Variants in IREB2 observed in about 807,000 individuals in gnomAD.
The protein encoded by IREB2 is iron responsive element binding protein 2.
IREB2 carries 39 observed loss-of-function variants against 118.8 expected under a neutral mutation model. The ratio of observed to expected loss-of-function variants is 0.33; its 90% CI spans 0.25 to 0.43. The LOEUF (loss-of-function observed/expected upper bound fraction) is 0.43. Ranked by LOEUF, IREB2 falls within the 20% of genes least tolerant of loss-of-function variation. The pLI is 1.00. For missense variants in IREB2, 900 were observed against 1,147.3 expected, an observed-to-expected ratio of 0.78 and a Z score of 3.11; for synonymous variants, 372 against 392.2, an observed-to-expected ratio of 0.95 and a Z score of 0.61.
chr15:78,450,895 G>T (rs2051015342), intron 2 of IREB2, among the ~76,000 whole-genome samples: 1 of 150,506 alleles, frequency 6.6e-6, no homozygotes, highest in Admixed American at 6.6e-5. Flanking sequence ...CAATGTAATG[G>T]TGTCCACCTT....
At chr15:78,458,598 G>T (rs553028336) in intron 2 of IREB2, among the ~76,000 whole-genome samples, 10 of 152,124 alleles carry the variant, frequency 6.6e-5, no homozygotes, top group African/African-American at 2.4e-4. Flanking sequence ...TCTCAGAGGT[G>T]CCTTCACCAC....
At chr15:78,459,477 A>G (rs1436626989) in intron 2 of IREB2, among the ~76,000 whole-genome samples, 1 of 151,988 alleles carries the variant, frequency 6.6e-6, no homozygotes, top group African/African-American at 2.4e-5. Flanking sequence ...AGCCTCCTGA[A>G]TAGCTTGGAT....
rs140203998 is a variant in IREB2, at chr15:78,491,382, G to A, written c.2324+621G>A. Among the ~76,000 whole-genome samples the A allele has an allele frequency of 7.9e-3, 1,196 of 152,238 alleles. 17 individuals carry two copies. The highest frequency in any genetic ancestry group is 0.027 in the African/African-American group (1,129 of 41,550). ...GTTTTGACAATAGAGACAAAGTTTT[G>A]TTAAAAGCAGGATTTGTAGTACTGC... On this transcript the variant is annotated intron_variant, in intron 18 of 21. Coordinates refer to ENST00000258886, the MANE Select transcript of IREB2 (RefSeq NM_004136.4).
At chr15:78,494,615 C>T (rs2051808587) in intron 20 of IREB2, among the ~76,000 whole-genome samples, 1 of 151,996 alleles carries the variant, frequency 6.6e-6, no homozygotes, top group African/African-American at 2.4e-5. Context: ...TCCTTGTCAC[C>T]CAGACTGGAG....
intron 2 of IREB2, among the ~76,000 whole-genome samples, chr15:78,455,415 C>T (rs146496616): frequency 2.6e-4 from 39 of 152,036 alleles, no homozygotes; most frequent in African/African-American, 8.4e-4. Flanking sequence ...AAAGTGGGGA[C>T]GTAGAATTAA....
chr15:78,479,858 C>T (rs563867585), intron 10 of IREB2, among the ~76,000 whole-genome samples: 1 of 150,326 alleles, frequency 6.7e-6, no homozygotes, highest in Admixed American at 6.6e-5. Flanking sequence ...GAGGTCAAGG[C>T]TGCAGTGAGC....
In IREB2 at chr15:78,480,686, TAAAAA is replaced by T. The variant is rs373261767; in HGVS notation, c.1296+2305_1296+2309del. 6.7e-5 allele frequency among the ~76,000 whole-genome samples: 6 copies of T among 89,718 alleles called. No homozygotes were observed. In the South Asian group the frequency reaches 2.5e-3, roughly 38 times the overall value. 58.9% of individuals were successfully genotyped at this position (89,718 alleles called of 152,430 possible). A position where few individuals can be genotyped will look rare whatever the true frequency, so the allele number is the denominator to read the frequency against. On this transcript the variant is annotated intron_variant, in intron 10 of 21. Transcript: ENST00000258886. ...CCTGGGCAACAGAATGAGACTGTCT[TAAAAA>T]AAAAAAAAAAAAAAATGTCTGGCCG...
chr15:78,478,480 ATTGT>A, intron 10 of IREB2, 83 bp downstream of exon 10: 3 of 822,304 alleles, frequency 3.6e-6, no homozygotes, highest in Non-Finnish European at 6.1e-6. Context: ...GGGTGGGTTG[ATTGT>A]TTGAGTTCAA....
chr15:78,479,399 A>ATTT (rs1158698299), intron 10 of IREB2, among the ~76,000 whole-genome samples: 26 of 130,810 alleles, frequency 2.0e-4, no homozygotes, highest in African/African-American at 6.7e-4. Flanking sequence ...TGGTTTTTGG[A>ATTT]TTTTTTTTTT....
intron 12 of IREB2, 140 bp downstream of exon 12, chr15:78,485,060 T>C: frequency 1.4e-6 from 1 of 691,648 alleles, no homozygotes; most frequent in South Asian, 2.8e-5. Context: ...TAGTTAGGTC[T>C]TAAGGAGCCT....
rs757547429 is a variant in IREB2 at position 78,466,435 on chromosome 15, C to T, written c.575C>T (p.Ser192Leu). Residue 192 changes from serine (S) to leucine (L), a missense_variant, in exon 5 of 22, where the codon TCG (serine) becomes TTG (leucine). Transcript: ENST00000258886. ...ELGRNSGTFSSQIENTPILCP... is the reference protein window; with the variant it reads ...ELGRNSGTFSLQIENTPILCP... The stretch of plus-strand genomic sequence containing the variant: ...GGCCGAAACTCAGGAACATTTTCTT[C>T]GCAGATTGAGAATACACCCATCCTG... The T allele has an allele frequency of 2.5e-6, 4 of 1,614,112 alleles. No individual in the cohort carries two copies. Among genetic ancestry groups the T allele is most frequent in the East Asian group, 2.2e-5 (1 of 44,888 alleles).
intron 2 of IREB2, among the ~76,000 whole-genome samples, chr15:78,456,717 T>C (rs2141466289): frequency 6.6e-6 from 1 of 152,238 alleles, no homozygotes; most frequent in East Asian, 1.9e-4. Flanking sequence ...AGCACTCTTA[T>C]TTGATAATTG....
At chr15:78,446,766 G>C (rs754182517) in intron 2 of IREB2, among the ~76,000 whole-genome samples, 1 of 152,022 alleles carries the variant, frequency 6.6e-6, no homozygotes, top group Non-Finnish European at 1.5e-5. Context: ...CCAGGGGATT[G>C]GCTTTTGCGT....
At position 78,483,407 on chromosome 15, in the gene IREB2, C is replaced by T. The variant is rs769980848; in HGVS notation, c.1386C>T (p.Ser462=). The part of the protein sequence containing the change: ...QDRVAVTDMK[S]DFQACLNEKV... ...GAGTTGCTGTGACAGATATGAAAAG[C>T]GATTTCCAGGCTTGCTTAAATGAAA... Residue 462 remains serine, a synonymous_variant, in exon 11 of 22, where the codon AGC becomes AGT. Coordinates refer to ENST00000258886, the MANE Select transcript of IREB2 (RefSeq NM_004136.4). The T allele has an allele frequency of 1.7e-5, 27 of 1,598,268 alleles. No individual in the cohort carries two copies. The highest frequency in any genetic ancestry group is 1.3e-4 in the African/African-American group (10 of 74,558).
At position 78,443,626 on chromosome 15, in the gene IREB2, GTTTTTTT is replaced by G. The variant is rs560552550; in HGVS notation, c.106+3747_106+3753del. The stretch of plus-strand genomic sequence containing the variant: ...CCTTTGTTTTTTTATTTTTTGTGGG[GTTTTTTT>G]TGTTTTTTGTTTTATTTTGTTTTGT... On this transcript the variant is annotated intron_variant, in intron 2 of 21. Transcript: ENST00000258886. Among the ~76,000 whole-genome samples the G allele has an allele frequency of 7.9e-3, 1,193 of 151,096 alleles. 17 individuals are homozygous for G. Among genetic ancestry groups the G allele is most frequent in the African/African-American group, 0.027 (1,126 of 41,158 alleles).
At chr15:78,493,562 A>G (rs182522403) in intron 18 of IREB2, among the ~76,000 whole-genome samples, 31 of 152,310 alleles carry the variant, frequency 2.0e-4, no homozygotes, top group Non-Finnish European at 2.8e-4. Flanking sequence ...GGAAATAATC[A>G]GTGACAATAT....
rs182297202 is a variant in IREB2 at position 78,453,809 on chromosome 15, T to G, written c.107-9113T>G. ...AAGGAGAGTGGATGAAGATAAGAAT[T>G]AATTGATGTGGAGTGTGGGAAAATA... On this transcript the variant is annotated intron_variant, in intron 2 of 21. Transcript: ENST00000258886. 1.4e-4 allele frequency among the ~76,000 whole-genome samples: 22 copies of G among 152,280 alleles called. No homozygotes were observed. The East Asian group carries it at 3.9e-3, about 27-fold the overall frequency.
rs1156644382 is a variant in IREB2, at chr15:78,490,826, A to G, written c.2324+65A>G. 12 of 1,438,954 alleles carry G rather than the reference A, an allele frequency of 8.3e-6. No homozygotes were observed. The East Asian group carries it at 1.9e-4, about 23-fold the overall frequency. The allele number at this position is 1,438,954 out of a possible 1,614,324, so 89.1% of individuals were successfully genotyped here. On this transcript the variant is annotated intron_variant, in intron 18 of 21. Transcript: ENST00000258886. Reference sequence around the variant, plus strand: ...GTTTCTTACTGATTAAGAGGCTTCTATTGGTCTTGTTCCTTTTTTCCAGTA... The same window carrying G: ...GTTTCTTACTGATTAAGAGGCTTCTGTTGGTCTTGTTCCTTTTTTCCAGTA...
At chr15:78,487,686 A>G (rs1437873930) in intron 13 of IREB2, 47 bp from the exon 14 acceptor site, 7 of 997,456 alleles carry the variant, frequency 7.0e-6, no homozygotes, top group African/African-American at 1.6e-5. Context: ...TCCTTTCTCT[A>G]TAAATGTTGT....
Sources: allele counts gnomAD v4.1 joint callset (sites outside exome capture counted in the v4.1 genomes callset), GRCh38; gene constraint gnomAD v4.1.1; transcripts MANE v1.5; gene names NCBI Gene and HGNC (gene_info 2026-07-23, HGNC 2026-07-21).